Variants in GKAP1 observed in about 807,000 individuals in gnomAD.
The protein encoded by GKAP1 is G kinase anchoring protein 1.
In GKAP1, 31 loss-of-function variants were observed where a neutral mutation model predicts 56.7. The ratio of observed to expected loss-of-function variants is 0.55; its 90% CI spans 0.41 to 0.74. The LOEUF (loss-of-function observed/expected upper bound fraction) is 0.74. GKAP1 is among the 30% of genes least tolerant of loss of function. GKAP1 has a pLI of 0.00. For missense variants in GKAP1, 364 were observed against 402.3 expected, an observed-to-expected ratio of 0.90 and a Z score of 0.82; for synonymous variants, 151 against 138.6, an observed-to-expected ratio of 1.09 and a Z score of -0.63.
intron 8 of GKAP1, among the ~76,000 whole-genome samples, chr9:83,764,408 C>A (rs1241805818): frequency 6.6e-6 from 1 of 152,152 alleles, no homozygotes; most frequent in East Asian, 1.9e-4. Flanking sequence ...CCTCCTGAGG[C>A]CTCGCTAGCC....
At chr9:83,812,192 TAC>T (rs1944514699) in intron 2 of GKAP1, among the ~76,000 whole-genome samples, 2 of 150,010 alleles carry the variant, frequency 1.3e-5, no homozygotes, top group Admixed American at 1.3e-4. Flanking sequence ...AATATATATA[TAC>T]ACATATATAT....
At chr9:83,778,693 A>G (rs948163074) in intron 7 of GKAP1, among the ~76,000 whole-genome samples, 2 of 152,138 alleles carry the variant, frequency 1.3e-5, no homozygotes, top group African/African-American at 4.8e-5. Context: ...CCTGAACTTT[A>G]AAAGTTAAAA....
At chr9:83,794,513 G>T (rs1465655644) in intron 4 of GKAP1, among the ~76,000 whole-genome samples, 2 of 152,096 alleles carry the variant, frequency 1.3e-5, no homozygotes, top group Non-Finnish European at 2.9e-5. Context: ...TTTATCAAAT[G>T]AACTGAAGGA....
chr9:83,796,812 T>G (rs958757720), intron 4 of GKAP1, among the ~76,000 whole-genome samples: 4 of 152,198 alleles, frequency 2.6e-5, no homozygotes, highest in Admixed American at 2.6e-4. Flanking sequence ...TTTCTCTCAG[T>G]CACTTTTTCA....
chr9:83,814,761 C>G (rs1462376272), intron 2 of GKAP1, among the ~76,000 whole-genome samples: 2 of 152,232 alleles, frequency 1.3e-5, no homozygotes, highest in African/African-American at 4.8e-5. Context: ...ATTCCCATAA[C>G]GCAGATGTGC....
At chr9:83,774,686 A>G (rs990777233) in intron 7 of GKAP1, among the ~76,000 whole-genome samples, 2 of 149,662 alleles carry the variant, frequency 1.3e-5, no homozygotes, top group African/African-American at 4.9e-5. Context: ...AGAAACTATC[A>G]ATAAACAGAA....
At position 83,751,823 on chromosome 9, in the gene GKAP1, A is replaced by C. The variant is rs149435013; in HGVS notation, c.840+1435T>G. On this transcript the variant is annotated intron_variant, in intron 9 of 12. Transcript: ENST00000376371. ...TAGTTAAAAATACATTGTATACATC[A>C]CAAGTGCTGGAAAGGATGTGGAGAA... 2.4e-3 allele frequency among the ~76,000 whole-genome samples: 369 copies of C among 152,234 alleles called. 2 individuals carry two copies. Among genetic ancestry groups the C allele is most frequent in the East Asian group, 0.018 (91 of 5,188 alleles).
intron 2 of GKAP1, among the ~76,000 whole-genome samples, chr9:83,812,858 G>A (rs1944530958): frequency 1.3e-5 from 2 of 152,110 alleles, no homozygotes; most frequent in African/African-American, 4.8e-5. Flanking sequence ...AAACGACAGA[G>A]AGCAACTATC....
chr9:83,779,586 CGTATATGTGTATATATATACACATAT>C (rs1943934344), intron 7 of GKAP1, among the ~76,000 whole-genome samples: 1 of 121,920 alleles, frequency 8.2e-6, no homozygotes, highest in Non-Finnish European at 1.7e-5. Context: ...TATATATACA[CGTATATGTGTATATATATACACATAT>C]ACACACACAC....
intron 6 of GKAP1, among the ~76,000 whole-genome samples, chr9:83,784,207 C>G (rs1420420811): frequency 6.6e-6 from 1 of 151,380 alleles, no homozygotes; most frequent in South Asian, 2.1e-4. Flanking sequence ...GCGGAGGTTA[C>G]AGTGAGCCAT....
chr9:83,740,531 A>T (rs1432631977), intron 12 of GKAP1, among the ~76,000 whole-genome samples: 1 of 152,164 alleles, frequency 6.6e-6, no homozygotes, highest in East Asian at 1.9e-4. Context: ...TATTTACTTT[A>T]TAATAGTTGT....
At chr9:83,775,520 C>T (rs572211530) in intron 7 of GKAP1, among the ~76,000 whole-genome samples, 8 of 152,014 alleles carry the variant, frequency 5.3e-5, no homozygotes, top group African/African-American at 1.9e-4. Flanking sequence ...CTCAAGAAAA[C>T]AACTTGATGG....
intron 7 of GKAP1, among the ~76,000 whole-genome samples, chr9:83,777,045 T>G (rs1253151611): frequency 6.6e-6 from 1 of 152,204 alleles, no homozygotes; most frequent in Non-Finnish European, 1.5e-5. Context: ...AATTTTTACA[T>G]AAGTAGTACA....
At chr9:83,816,303 C>T (rs1378372493) in intron 2 of GKAP1, among the ~76,000 whole-genome samples, 1 of 152,194 alleles carries the variant, frequency 6.6e-6, no homozygotes, top group Non-Finnish European at 1.5e-5. Context: ...CCCCAAACTC[C>T]ATTTTTTTCT....
intron 2 of GKAP1, among the ~76,000 whole-genome samples, chr9:83,811,691 C>G (rs188753210): frequency 6.6e-6 from 1 of 152,204 alleles, no homozygotes; most frequent in African/African-American, 2.4e-5. Flanking sequence ...GGGGGAAATG[C>G]CCCTTTAATG....
intron 4 of GKAP1, chr9:83,789,214 G>A (rs1295009434): frequency 6.6e-6 from 1 of 152,108 alleles, no homozygotes. Context: ...TAAACTATAT[G>A]GTTGCTTTAA....
chr9:83,753,325 A>T lies in GKAP1; in HGVS notation c.773T>A (p.Leu258Gln). 6.2e-7 allele frequency: 1 copy of T among 1,610,242 alleles called. No individual in the cohort carries two copies. The highest frequency in any genetic ancestry group is 8.5e-7 in the Non-Finnish European group (1 of 1,177,178). Residue 258 changes from leucine (L) to glutamine (Q), a missense_variant, in exon 9 of 13, where the codon CTA (leucine) becomes CAA (glutamine). Physicochemically the swap from Leu to Gln is moderately radical, Grantham distance 113. Transcript: ENST00000376371. ...ATCTTTCCTTTCAAGCTCTAACTTTAGTCTTTCAATTCTTCCATCTTTCAG... is the reference window on the plus strand; with the variant it reads ...ATCTTTCCTTTCAAGCTCTAACTTTTGTCTTTCAATTCTTCCATCTTTCAG... ...VVLKDGRIER[L>Q]KLELERKDAE...
chr9:83,814,384 A>G (rs1944553742), intron 2 of GKAP1, among the ~76,000 whole-genome samples: 1 of 152,154 alleles, frequency 6.6e-6, no homozygotes, highest in African/African-American at 2.4e-5. Context: ...GAAAACTTCC[A>G]TTTATTCCTC....
At chr9:83,767,235 C>CT (rs1420390947) in intron 8 of GKAP1, among the ~76,000 whole-genome samples, 1 of 152,154 alleles carries the variant, frequency 6.6e-6, no homozygotes, top group Non-Finnish European at 1.5e-5. Flanking sequence ...GAGAAAGCAT[C>CT]TTTTTCTCCC....
Sources: gnomAD v4.1 joint callset for allele counts (sites outside exome capture counted in the v4.1 genomes callset) on GRCh38, gnomAD v4.1.1 for gene constraint, MANE v1.5 for transcripts, NCBI Gene and HGNC (gene_info 2026-07-23, HGNC 2026-07-21) for gene names.